Variants in REEP1 observed in about 807,000 individuals in gnomAD.
The protein encoded by REEP1 is receptor expression-enhancing protein 1.
Under a neutral mutation model 40.3 loss-of-function variants are expected in REEP1, and 22 were observed. That is an observed-to-expected ratio of 0.55 (90% CI 0.39 to 0.78). The LOEUF (loss-of-function observed/expected upper bound fraction) is 0.78. Among genes scored for constraint, REEP1 ranks in the 30% least tolerant of loss-of-function variants. REEP1 has a pLI of 0.00. For synonymous variants in REEP1, 116 were observed against 139.2 expected, an observed-to-expected ratio of 0.83 and a Z score of 1.17; for missense variants, 280 against 361.1, an observed-to-expected ratio of 0.78 and a Z score of 1.82.
chr2:86,306,959 C>T (rs1055615883), intron 1 of REEP1, among the ~76,000 whole-genome samples: 4 of 151,738 alleles, frequency 2.6e-5, no homozygotes, highest in Non-Finnish European at 5.9e-5. Context: ...AATCCCAGCA[C>T]TTTGGGAGGC....
At chr2:86,313,215 T>A (rs1272661208) in intron 1 of REEP1, among the ~76,000 whole-genome samples, 1 of 151,324 alleles carries the variant, frequency 6.6e-6, no homozygotes, top group Non-Finnish European at 1.5e-5. Context: ...GCTCAAGTGA[T>A]CCTCCCGCCT....
At chr2:86,310,291 A>G (rs568975837) in intron 1 of REEP1, among the ~76,000 whole-genome samples, 2 of 152,316 alleles carry the variant, frequency 1.3e-5, no homozygotes, top group African/African-American at 4.8e-5. Context: ...CAGTGGCCCC[A>G]TAATTATAAT....
chr2:86,300,149 G>T (rs1021857639), intron 1 of REEP1, among the ~76,000 whole-genome samples: 1 of 152,204 alleles, frequency 6.6e-6, no homozygotes, highest in Non-Finnish European at 1.5e-5. Context: ...GGCTGGTCCA[G>T]CTTGGGCCAC....
chr2:86,290,170 T>C (rs1678618228), intron 1 of REEP1, among the ~76,000 whole-genome samples: 1 of 152,156 alleles, frequency 6.6e-6, no homozygotes, highest in Non-Finnish European at 1.5e-5. Context: ...CTGATTTTTG[T>C]ATTTTTAGTG....
intron 5 of REEP1, among the ~76,000 whole-genome samples, chr2:86,250,279 C>G (rs1189809204): frequency 1.3e-5 from 2 of 152,164 alleles, no homozygotes; most frequent in Admixed American, 1.3e-4. Flanking sequence ...CGTTTATACT[C>G]CAGGAATGAA....
intron 2 of REEP1, chr2:86,280,116 T>C: frequency 2.2e-6 from 1 of 448,730 alleles, no homozygotes. Flanking sequence ...ACTCGCAGGT[T>C]TCTCTCTTGA....
intron 1 of REEP1, among the ~76,000 whole-genome samples, chr2:86,318,384 T>C (rs1450401094): frequency 9.3e-6 from 1 of 107,414 alleles, no homozygotes; most frequent in African/African-American, 7.8e-5. Flanking sequence ...AAAGTAGTTT[T>C]CTTTTCTTTT....
At chr2:86,264,475 T>C (rs912985313) in intron 2 of REEP1, among the ~76,000 whole-genome samples, 2 of 152,226 alleles carry the variant, frequency 1.3e-5, no homozygotes, top group African/African-American at 4.8e-5. Flanking sequence ...CATGTGACCA[T>C]CCTTTTCAAT....
At chr2:86,238,911 C>T (rs779306653) in intron 5 of REEP1, among the ~76,000 whole-genome samples, 1 of 152,086 alleles carries the variant, frequency 6.6e-6, no homozygotes, top group Non-Finnish European at 1.5e-5. Flanking sequence ...TGGGGGTCCA[C>T]TTATACCTTG....
chr2:86,236,541 G>T (rs1558878200), intron 5 of REEP1, among the ~76,000 whole-genome samples: 1 of 152,110 alleles, frequency 6.6e-6, no homozygotes, highest in Admixed American at 6.6e-5. Flanking sequence ...GGCCCATCTG[G>T]TGGTGCATGC....
intron 1 of REEP1, among the ~76,000 whole-genome samples, chr2:86,299,039 A>G (rs546110657): frequency 2.0e-5 from 3 of 152,328 alleles, no homozygotes; most frequent in African/African-American, 7.2e-5. Flanking sequence ...ATAGAGCTCA[A>G]AAGATACCAT....
chr2:86,299,633 TAAGAGCAAGGACA>T (rs1679167697), intron 1 of REEP1, among the ~76,000 whole-genome samples: 2 of 152,166 alleles, frequency 1.3e-5, no homozygotes, highest in African/African-American at 4.8e-5. Context: ...ACAAGTTCCT[TAAGAGCAAGGACA>T]ATACTGCGTT....
At chr2:86,278,795 G>A (rs1161372450) in intron 2 of REEP1, among the ~76,000 whole-genome samples, 2 of 152,132 alleles carry the variant, frequency 1.3e-5, no homozygotes, top group African/African-American at 4.8e-5. Context: ...TGTGAGCTGG[G>A]CCGTCAGCAC....
At chr2:86,293,094 ATTCATTTG>A (rs1269971852) in intron 1 of REEP1, among the ~76,000 whole-genome samples, 1 of 148,658 alleles carries the variant, frequency 6.7e-6, no homozygotes, top group Non-Finnish European at 1.5e-5. Flanking sequence ...TCATTCATTC[ATTCATTTG>A]TTTGTTCGTT....
rs367605670 is a variant in REEP1, at chr2:86,250,213, T to G, written c.417+1744A>C. 5.4e-4 allele frequency among the ~76,000 whole-genome samples: 82 copies of G among 152,306 alleles called. No individual in the cohort carries two copies. The South Asian group carries it at 0.017, about 31-fold the overall frequency. On this transcript the variant is annotated intron_variant, in intron 5 of 8. Coordinates refer to ENST00000538924, the MANE Select transcript of REEP1 (RefSeq NM_001371279.1). ...AGTTATTGTCAGAATGAAATCTACA[T>G]GCACGCAGCTGTGCCACCAGGTGAC...
chr2:86,327,547 GGGGAAAGATGGTCTATCTTACTT>G (rs1197891292), intron 1 of REEP1, among the ~76,000 whole-genome samples: 43 of 150,322 alleles, frequency 2.9e-4, no homozygotes, highest in African/African-American at 1.0e-3. Flanking sequence ...TTAAACAGCA[GGGGAAAGATGGTCTATCTTACTT>G]TTTTTTTTTT....
At chr2:86,297,354 C>T (rs1301335879) in intron 1 of REEP1, among the ~76,000 whole-genome samples, 3 of 152,224 alleles carry the variant, frequency 2.0e-5, no homozygotes. Flanking sequence ...TGTTTTATCT[C>T]CTCTGCAAAA....
intron 3 of REEP1, among the ~76,000 whole-genome samples, chr2:86,260,309 C>T (rs116593159): frequency 1.4e-3 from 207 of 152,256 alleles, no homozygotes; most frequent in African/African-American, 4.7e-3. Flanking sequence ...CCTCACTTCC[C>T]ACCCACAAAC....
intron 5 of REEP1, among the ~76,000 whole-genome samples, chr2:86,235,624 G>A (rs6758173): frequency 0.54 from 82,501 of 151,968 alleles, 22,693 homozygotes; most frequent in Non-Finnish European, 0.58. Flanking sequence ...GGCCAGGGAC[G>A]AATTCCCTCA....
Sources: gnomAD v4.1 joint callset for allele counts (sites outside exome capture counted in the v4.1 genomes callset) on GRCh38, gnomAD v4.1.1 for gene constraint, MANE v1.5 for transcripts, NCBI Gene and HGNC (gene_info 2026-07-23, HGNC 2026-07-21) for gene names.